FBXL19: variants seen among roughly 807,000 people sequenced by gnomAD.
FBXL19 encodes the protein F-box and leucine rich repeat protein 19.
In FBXL19, 16 loss-of-function variants were observed where a neutral mutation model predicts 71.2. That is an observed-to-expected ratio of 0.22 (90% CI 0.15 to 0.34). FBXL19 has a LOEUF of 0.34. FBXL19 is among the 10% of genes least tolerant of loss of function. The pLI is 1.00. For missense variants in FBXL19, 658 were observed against 968.2 expected (o/e 0.68, Z 4.25); for synonymous variants, 447 against 409.4 (o/e 1.09, Z -1.11).
At chr16:30,934,657 CA>C (rs34400730) in intron 7 of FBXL19, among the ~76,000 whole-genome samples, 14 of 148,476 alleles carry the variant, frequency 9.4e-5, no homozygotes, top group African/African-American at 1.7e-4. Context: ...GACCCTGTCT[CA>C]AAAAAAAAAA....
chr16:30,945,543 A>T (rs1002768355), intron 9 of FBXL19, among the ~76,000 whole-genome samples: 1 of 151,870 alleles, frequency 6.6e-6, no homozygotes, highest in African/African-American at 2.4e-5. Context: ...AATGCTTTTA[A>T]TCCCAACTAC....
rs1394611601 is a variant in FBXL19 at position 30,942,475 on chromosome 16, C to T, written c.1566C>T (p.Ile522=). The change falls in exon 9 of 11, where the codon ATC becomes ATT. Residue 522 remains isoleucine (I), a synonymous_variant. Transcript: ENST00000338343. The surrounding 1 kb of genome is among the most constrained non-coding windows in gnomAD (Gnocchi z 5.7). The part of the protein sequence containing the change: ...PALRLLDLRW[I]EDVKDSQLRE... ...TGCGGCTCCTGGACCTCCGCTGGATCGAGGATGTTAAAGACTCCCAGCTCC... is the reference window on the plus strand; with the variant it reads ...TGCGGCTCCTGGACCTCCGCTGGATTGAGGATGTTAAAGACTCCCAGCTCC... 2 of 1,601,048 alleles carry T rather than the reference C, an allele frequency of 1.2e-6. No individual in the cohort carries two copies. The highest frequency in any genetic ancestry group is 1.7e-6 in the Non-Finnish European group (2 of 1,174,270).
intron 7 of FBXL19, among the ~76,000 whole-genome samples, chr16:30,936,279 A>G (rs1051150009): frequency 6.6e-6 from 1 of 151,996 alleles, no homozygotes; most frequent in African/African-American, 2.4e-5. Context: ...CCTCCTTGAC[A>G]TGACACCCAT....
At chr16:30,932,255 C>A (rs989350082) in intron 7 of FBXL19, among the ~76,000 whole-genome samples, 5 of 152,206 alleles carry the variant, frequency 3.3e-5, no homozygotes, top group African/African-American at 9.7e-5. Flanking sequence ...GCTGAACGCA[C>A]AGCCTGTCAG....
intron 7 of FBXL19, among the ~76,000 whole-genome samples, chr16:30,932,927 A>G (rs12599631): frequency 0.55 from 79,681 of 144,186 alleles, 23,612 homozygotes; most frequent in East Asian, 0.91. Context: ...TGCAACCTCC[A>G]CCTTCCACGT....
In FBXL19 at chr16:30,928,144, G is replaced by C. The variant is rs140284574; in HGVS notation, c.627+181G>C. Among the ~76,000 whole-genome samples, 22 of 151,828 alleles carry C rather than the reference G, an allele frequency of 1.4e-4. No individual in the cohort carries two copies. The East Asian group carries it at 1.9e-3, about 13-fold the overall frequency. On this transcript the variant is annotated intron_variant, in intron 5 of 10. Transcript: ENST00000338343. Reference sequence around the variant, plus strand: ...ATAGAGCATGCTCAGTGTGGAGGAGGGGGGGGACAGGTGAGGTGAGCTGGC... The same window carrying C: ...ATAGAGCATGCTCAGTGTGGAGGAGCGGGGGGACAGGTGAGGTGAGCTGGC...
chr16:30,939,410 T>G (rs983524304), intron 7 of FBXL19, among the ~76,000 whole-genome samples: 5 of 131,506 alleles, frequency 3.8e-5, no homozygotes, highest in Non-Finnish European at 8.2e-5. Flanking sequence ...AATACTGGGG[T>G]TTTTTTTTTT....
intron 7 of FBXL19, among the ~76,000 whole-genome samples, chr16:30,941,242 A>G (rs2055799104): frequency 6.6e-6 from 1 of 152,146 alleles, no homozygotes; most frequent in South Asian, 2.1e-4. Flanking sequence ...TTGGGAGGCC[A>G]AGGCAGGAGG....
chr16:30,927,882 G>GCC lies in FBXL19; in HGVS notation c.553_554dup (p.Glu186ArgfsTer26). The GCC allele has an allele frequency of 6.6e-7, 1 of 1,520,548 alleles. No individual in the cohort carries two copies. The allele number at this position is 1,520,548 out of a possible 1,614,324, so 94.2% of individuals were successfully genotyped here. A position where few individuals can be genotyped will look rare whatever the true frequency, so the allele number is the denominator to read the frequency against. On this transcript the variant is annotated frameshift_variant, in exon 5 of 11. Coordinates refer to ENST00000338343, the MANE Select transcript of FBXL19 (RefSeq NM_001382779.1). LOFTEE classifies it high-confidence loss of function. Reference sequence around the variant, plus strand: ...GGCGCAAGGGCCCCCTGCCTGCCGGGCCCCCCCCGGAGGACGTGCCTGGGC... The same window carrying GCC: ...GGCGCAAGGGCCCCCTGCCTGCCGGGCCCCCCCCCCGGAGGACGTGCCTGGGC...
chr16:30,946,881 C>G lies in FBXL19; in HGVS notation c.1779C>G (p.Pro593=). Residue 593 remains proline, a synonymous_variant, in exon 10 of 11, where the codon CCC becomes CCG. Coordinates refer to ENST00000338343, the MANE Select transcript of FBXL19 (RefSeq NM_001382779.1). The surrounding 1 kb of genome is among the most constrained non-coding windows in gnomAD (Gnocchi z 6.7). ...DLSHCAHVGD[P]SVHLLTAPTS... is the part of the protein sequence containing the mutation. ...GCCACTGCGCCCACGTCGGGGACCC[C>G]AGTGTTCACCTCCTCACGGCCCCCA... 1.2e-6 allele frequency: 2 copies of G among 1,611,516 alleles called. No homozygotes were observed. Among genetic ancestry groups the G allele is most frequent in the African/African-American group, 1.3e-5 (1 of 74,998 alleles).
intron 7 of FBXL19, among the ~76,000 whole-genome samples, chr16:30,936,689 A>C (rs952235097): frequency 7.9e-6 from 1 of 127,170 alleles, no homozygotes; most frequent in Admixed American, 9.0e-5. Flanking sequence ...CTCATGATCC[A>C]CCTGCCTCAG....
At chr16:30,924,540 C>G (rs1430813384) in intron 1 of FBXL19, 81 bp downstream of exon 1, 2 of 1,221,898 alleles carry the variant, frequency 1.6e-6, no homozygotes, top group African/African-American at 3.2e-5. Context: ...CTCTCTCTAC[C>G]TTCCCCGCCC....
chr16:30,941,915 G>C (rs1203507810), intron 7 of FBXL19, among the ~76,000 whole-genome samples: 1 of 152,166 alleles, frequency 6.6e-6, no homozygotes, highest in Admixed American at 6.5e-5. Flanking sequence ...GAACAGACTT[G>C]CCCAGGGTCT....
At chr16:30,926,582 G>A (rs971336181) in intron 2 of FBXL19, among the ~76,000 whole-genome samples, 1 of 151,402 alleles carries the variant, frequency 6.6e-6, no homozygotes, top group Admixed American at 6.6e-5. Context: ...TGCATCCTGC[G>A]TCCCCCTCCC....
At position 30,948,268 on chromosome 16, in the gene FBXL19, C is replaced by T. The variant is rs991723017; in HGVS notation, c.*1038C>T. 2.0e-5 allele frequency: 3 copies of T among 153,800 alleles called. No homozygotes were observed. The highest frequency in any genetic ancestry group is 7.2e-5 in the African/African-American group (3 of 41,482). 9.5% of individuals were successfully genotyped at this position (153,800 alleles called of 1,614,324 possible). A position where few individuals can be genotyped will look rare whatever the true frequency, so the allele number is the denominator to read the frequency against. Reference sequence around the variant, plus strand: ...TCCAGCCTGGCTCTTCCCACTCTTTCATCGTCATGGAAACTTGTATCCCAT... The same window carrying T: ...TCCAGCCTGGCTCTTCCCACTCTTTTATCGTCATGGAAACTTGTATCCCAT... On this transcript the variant is annotated 3_prime_UTR_variant, in exon 11 of 11. Transcript: ENST00000338343.
intron 7 of FBXL19, among the ~76,000 whole-genome samples, chr16:30,932,695 C>G (rs2055688399): frequency 6.6e-6 from 1 of 152,170 alleles, no homozygotes. Flanking sequence ...GGGTACTAAA[C>G]ACTCAATCAG....
At chr16:30,926,557 C>A (rs2055593441) in intron 2 of FBXL19, among the ~76,000 whole-genome samples, 1 of 152,090 alleles carries the variant, frequency 6.6e-6, no homozygotes, top group Non-Finnish European at 1.5e-5. Flanking sequence ...TCCCCAGCAG[C>A]CGCGAGGAGC....
Position 30,928,448 on chromosome 16 carries a change from C to CT in FBXL19, c.628-18dup. The CT allele has an allele frequency of 6.5e-7, 1 of 1,544,044 alleles. No individual in the cohort carries two copies. Among genetic ancestry groups the CT allele is most frequent in the Non-Finnish European group, 8.7e-7 (1 of 1,144,534 alleles). ...ATGGGGTCTCTCCCTTCCTCCATAT[C>CT]TCCCTCTCACCCTGGTAGGTGAAAG... On this transcript the variant is annotated intron_variant, in intron 5 of 10. Transcript: ENST00000338343.
At position 30,947,682 on chromosome 16, in the gene FBXL19, G is replaced by A; in HGVS notation, c.*452G>A. 1 of 331,906 alleles carries A rather than the reference G, an allele frequency of 3.0e-6. No individual in the cohort carries two copies. The highest frequency in any genetic ancestry group is 6.0e-6 in the Non-Finnish European group (1 of 167,360). 20.6% of individuals were successfully genotyped at this position (331,906 alleles called of 1,614,324 possible). ...AGACCAGTTACTTGGAGTGGGGGGT[G>A]GGGGTGGGGCCACAAAAGGAAAACC... is the stretch of plus-strand genomic sequence containing the variant. On this transcript the variant is annotated 3_prime_UTR_variant, in exon 11 of 11. Coordinates refer to ENST00000338343, the MANE Select transcript of FBXL19 (RefSeq NM_001382779.1).
Sources: gnomAD v4.1 joint callset for allele counts (sites outside exome capture counted in the v4.1 genomes callset) on GRCh38, gnomAD v4.1.1 for gene constraint, Gnocchi (gnomAD v3.1) non-coding constraint, MANE v1.5 for transcripts, NCBI Gene and HGNC (gene_info 2026-07-23, HGNC 2026-07-21) for gene names.